PDE4D: variants seen among roughly 807,000 people sequenced by gnomAD.
PDE4D encodes the protein 3',5'-cyclic-AMP phosphodiesterase 4D.
In PDE4D, 24 loss-of-function variants were observed where a neutral mutation model predicts 87.4. That is an observed-to-expected ratio of 0.27 (90% CI 0.20 to 0.39). The LOEUF (loss-of-function observed/expected upper bound fraction) is 0.39. PDE4D is among the 10% of genes least tolerant of loss of function. The pLI is 1.00. For synonymous variants in PDE4D, 384 were observed against 383.2 expected (o/e 1.00, Z -0.02); for missense variants, 714 against 1,041.0 (o/e 0.69, Z 4.32).
intron 5 of PDE4D, among the ~76,000 whole-genome samples, chr5:59,172,011 A>T (rs1181213608): frequency 2.0e-5 from 1 of 49,104 alleles, no homozygotes; most frequent in South Asian, 6.3e-4. Flanking sequence ...TAATAAATAT[A>T]TATTATATAT....
intron 3 of PDE4D, among the ~76,000 whole-genome samples, chr5:59,939,452 T>C (rs1178358204): frequency 6.6e-6 from 1 of 152,180 alleles, no homozygotes. Flanking sequence ...TGATTATATC[T>C]AGTGAGGAAG....
chr5:59,157,028 G>T, intron 5 of PDE4D: 1 of 215,242 alleles, frequency 4.6e-6, no homozygotes, highest in Non-Finnish European at 8.4e-6. Flanking sequence ...AAAAAAAAAA[G>T]GCAAAATAAA....
At chr5:59,194,228 G>A (rs1213924854) in intron 2 of PDE4D, among the ~76,000 whole-genome samples, 1 of 152,194 alleles carries the variant, frequency 6.6e-6, no homozygotes, top group African/African-American at 2.4e-5. Flanking sequence ...CCAGTTAGAG[G>A]AAAGTGAGAA....
chr5:60,110,894 A>C (rs565923520), intron 2 of PDE4D, among the ~76,000 whole-genome samples: 2 of 152,252 alleles, frequency 1.3e-5, no homozygotes, highest in African/African-American at 4.8e-5. Flanking sequence ...AAGTGAAATA[A>C]GTCAGGCACA....
chr5:60,177,085 T>G (rs544095079), intron 2 of PDE4D, among the ~76,000 whole-genome samples: 1 of 152,170 alleles, frequency 6.6e-6, no homozygotes, highest in Non-Finnish European at 1.5e-5. Context: ...ACACTATGAT[T>G]TTTTCCCATT....
At chr5:60,431,181 C>T (rs930780853) in intron 1 of PDE4D, 1 of 197,118 alleles carries the variant, frequency 5.1e-6, no homozygotes, top group East Asian at 1.8e-4. Context: ...CTGACCCCCC[C>T]ACCTCCCTCC....
intron 2 of PDE4D, among the ~76,000 whole-genome samples, chr5:60,138,196 C>A (rs1485209312): frequency 6.6e-6 from 1 of 151,956 alleles, no homozygotes; most frequent in East Asian, 1.9e-4. Context: ...ATTCCTGTAG[C>A]ATGTAGTTTG....
chr5:60,335,605 C>G (rs1216382405), intron 1 of PDE4D, among the ~76,000 whole-genome samples: 1 of 152,138 alleles, frequency 6.6e-6, no homozygotes, highest in Non-Finnish European at 1.5e-5. Flanking sequence ...AGGGTGTTGG[C>G]TAGAAGAAAT....
At chr5:60,079,610 CACCACCATTTACTGAATA>C (rs1482345221) in intron 2 of PDE4D, among the ~76,000 whole-genome samples, 3 of 152,172 alleles carry the variant, frequency 2.0e-5, no homozygotes, top group Non-Finnish European at 2.9e-5. Context: ...CCAGTTCTCC[CACCACCATTTACTGAATA>C]AGAGATCTTT....
At chr5:58,999,532 G>C in intron 6 of PDE4D, 1 of 1,527,844 alleles carries the variant, frequency 6.5e-7, no homozygotes. Context: ...GTTTGCTTCA[G>C]GCATTTTTGA....
intron 1 of PDE4D, among the ~76,000 whole-genome samples, chr5:60,234,201 A>G (rs1746147568): frequency 6.6e-6 from 1 of 151,824 alleles, no homozygotes; most frequent in Non-Finnish European, 1.5e-5. Flanking sequence ...TACAAGAAGT[A>G]GTCTTTTGTG....
At chr5:59,752,323 T>C (rs1031623739) in intron 1 of PDE4D, among the ~76,000 whole-genome samples, 2 of 152,236 alleles carry the variant, frequency 1.3e-5, no homozygotes, top group Non-Finnish European at 2.9e-5. Flanking sequence ...GTTAAATATA[T>C]CATTTGAACT....
At chr5:59,242,837 G>A (rs1031082058) in intron 1 of PDE4D, among the ~76,000 whole-genome samples, 2 of 152,144 alleles carry the variant, frequency 1.3e-5, no homozygotes, top group African/African-American at 2.4e-5. Context: ...GACAGATGTA[G>A]AGCCAGTGTC....
chr5:59,626,972 GT>G (rs977074985), intron 1 of PDE4D, among the ~76,000 whole-genome samples: 3 of 152,076 alleles, frequency 2.0e-5, no homozygotes, highest in Non-Finnish European at 2.9e-5. Flanking sequence ...TAATGCTTCT[GT>G]TGTTTGTCTT....
chr5:60,437,225 C>T (rs989740464), intron 1 of PDE4D, among the ~76,000 whole-genome samples: 1 of 152,054 alleles, frequency 6.6e-6, no homozygotes, highest in Non-Finnish European at 1.5e-5. Flanking sequence ...TGGGCACAAG[C>T]TTTGGAATCA....
chr5:58,985,175 A>C (rs919578261), intron 11 of PDE4D, among the ~76,000 whole-genome samples: 11 of 152,114 alleles, frequency 7.2e-5, no homozygotes, highest in Non-Finnish European at 1.5e-4. Flanking sequence ...TTGACCTCCC[A>C]AAGTGCTGGG....
chr5:59,959,975 A>G (rs1386546589), intron 3 of PDE4D, among the ~76,000 whole-genome samples: 7 of 152,192 alleles, frequency 4.6e-5, no homozygotes, highest in South Asian at 2.1e-4. Context: ...TCCAGAATCC[A>G]TAAGAAACTT....
intron 1 of PDE4D, among the ~76,000 whole-genome samples, chr5:59,746,540 C>T (rs879900033): frequency 1.3e-5 from 2 of 152,162 alleles, no homozygotes; most frequent in Admixed American, 1.3e-4. Flanking sequence ...AATACACAAC[C>T]GTCACCACAC....
chr5:60,130,350 A>G (rs971983166), intron 2 of PDE4D, among the ~76,000 whole-genome samples: 1 of 152,168 alleles, frequency 6.6e-6, no homozygotes, highest in African/African-American at 2.4e-5. Flanking sequence ...TATCCTGGTG[A>G]GAAAAAAGTT....
Sources: allele counts gnomAD v4.1 joint callset (sites outside exome capture counted in the v4.1 genomes callset), GRCh38; gene constraint gnomAD v4.1.1; transcripts MANE v1.5; gene names NCBI Gene and HGNC (gene_info 2026-07-23, HGNC 2026-07-21).